SLC9C1: variants seen among roughly 807,000 people sequenced by gnomAD.
SLC9C1 encodes solute carrier family 9 member C1, also known as sodium/hydrogen exchanger 10.
SLC9C1 carries 97 observed loss-of-function variants against 140.9 expected under a neutral mutation model. The observed-to-expected ratio is 0.69, with a 90% CI of 0.58 to 0.82. The LOEUF (loss-of-function observed/expected upper bound fraction) is 0.82. SLC9C1 is among the 40% of genes least tolerant of loss of function. The pLI is 0.00. For missense variants in SLC9C1, 1,340 were observed against 1,389.3 expected, an observed-to-expected ratio of 0.96 and a Z score of 0.56; for synonymous variants, 440 against 442.6, an observed-to-expected ratio of 0.99 and a Z score of 0.07.
chr3:112,237,462 G>A (rs1030426908), intron 12 of SLC9C1, among the ~76,000 whole-genome samples: 2 of 152,102 alleles, frequency 1.3e-5, no homozygotes, highest in African/African-American at 4.8e-5. Flanking sequence ...TTACATTTAA[G>A]GTTAATATTG....
chr3:112,245,075 C>T (rs1321927880), intron 10 of SLC9C1, among the ~76,000 whole-genome samples: 1 of 152,210 alleles, frequency 6.6e-6, no homozygotes, highest in East Asian at 1.9e-4. Flanking sequence ...TCTAATGCTC[C>T]TTCCTAATAA....
Position 112,270,087 on chromosome 3 carries a change from A to T in SLC9C1, c.614-10T>A, listed in dbSNP as rs1576490664. ...CCCACGATCTCTTCAGCTACAAGAA[A>T]GGGGCGTAAATAAGAAATAGTTAAT... On this transcript the variant is annotated splice_polypyrimidine_tract_variant and intron_variant, in intron 6 of 28. Transcript: ENST00000305815. 1.3e-6 allele frequency: 2 copies of T among 1,519,456 alleles called. No individual in the cohort carries two copies. The highest frequency in any genetic ancestry group is 1.8e-6 in the Non-Finnish European group (2 of 1,135,842). 94.1% of individuals were successfully genotyped at this position (1,519,456 alleles called of 1,614,324 possible).
At chr3:112,185,481 T>A in intron 20 of SLC9C1, 3 of 1,610,228 alleles carry the variant, frequency 1.9e-6, no homozygotes, top group Non-Finnish European at 2.5e-6. Flanking sequence ...GGCGCAGAGT[T>A]ACACCTGGCT....
At chr3:112,257,466 A>G (rs984069380) in intron 10 of SLC9C1, among the ~76,000 whole-genome samples, 10 of 152,208 alleles carry the variant, frequency 6.6e-5, no homozygotes, top group Non-Finnish European at 1.2e-4. Context: ...TCCCTATTCA[A>G]TAAATGGTTT....
intron 20 of SLC9C1, among the ~76,000 whole-genome samples, chr3:112,184,623 G>A (rs1188130195): frequency 2.0e-5 from 3 of 152,202 alleles, no homozygotes; most frequent in East Asian, 1.9e-4. Flanking sequence ...GCGACAGAGC[G>A]AGACTCCATC....
intron 5 of SLC9C1, 27 bp downstream of exon 5, chr3:112,277,668 T>C: frequency 6.8e-7 from 1 of 1,468,216 alleles, no homozygotes. Context: ...ATATTATAAA[T>C]ATAGAAAAAG....
At chr3:112,149,907 G>C (rs563043667) in intron 28 of SLC9C1, among the ~76,000 whole-genome samples, 1 of 152,258 alleles carries the variant, frequency 6.6e-6, no homozygotes, top group African/African-American at 2.4e-5. Flanking sequence ...TGGAGGTTGA[G>C]CAGAAAGGGC....
At chr3:112,293,846 G>A (rs756016371) in intron 1 of SLC9C1, among the ~76,000 whole-genome samples, 16 of 152,176 alleles carry the variant, frequency 1.1e-4, no homozygotes, top group Non-Finnish European at 2.1e-4. Flanking sequence ...AAGAGTTGAT[G>A]TAAAAAGCAT....
chr3:112,214,368 C>A (rs2078294938), intron 15 of SLC9C1, among the ~76,000 whole-genome samples: 1 of 152,040 alleles, frequency 6.6e-6, no homozygotes, highest in Non-Finnish European at 1.5e-5. Flanking sequence ...CAGAGCAGAA[C>A]TGAAGGAGAT....
chr3:112,149,392 G>C (rs554036405), intron 28 of SLC9C1, among the ~76,000 whole-genome samples: 1 of 152,080 alleles, frequency 6.6e-6, no homozygotes, highest in East Asian at 1.9e-4. Flanking sequence ...GAAAGGATGG[G>C]GTGGGTCAGG....
intron 26 of SLC9C1, among the ~76,000 whole-genome samples, chr3:112,166,173 C>A (rs1047266717): frequency 5.3e-5 from 8 of 152,230 alleles, no homozygotes; most frequent in African/African-American, 1.9e-4. Context: ...TCTGTCACCC[C>A]TTTCTTTGAC....
intron 10 of SLC9C1, among the ~76,000 whole-genome samples, chr3:112,258,016 T>C (rs1050496091): frequency 6.6e-6 from 1 of 152,186 alleles, no homozygotes; most frequent in Non-Finnish European, 1.5e-5. Flanking sequence ...CCAGTCAGAA[T>C]AGCTATTATT....
At position 112,216,092 on chromosome 3, in the gene SLC9C1, A is replaced by G. The variant is rs567268135; in HGVS notation, c.1790+1350T>C. ...CTGATCTTTGACAAACCTGAGAAAA[A>G]CAAGAAATGGGGAAAGGATTCCCTA... is the stretch of plus-strand genomic sequence containing the variant. On this transcript the variant is annotated intron_variant, in intron 15 of 28. Transcript: ENST00000305815. Among the ~76,000 whole-genome samples the G allele has an allele frequency of 6.5e-3, 997 of 152,328 alleles. 10 individuals are homozygous for G. The highest frequency in any genetic ancestry group is 8.6e-3 in the Non-Finnish European group (583 of 68,036).
At chr3:112,174,872 C>T (rs1174336364) in intron 23 of SLC9C1, among the ~76,000 whole-genome samples, 1 of 137,658 alleles carries the variant, frequency 7.3e-6, no homozygotes, top group Non-Finnish European at 1.7e-5. Flanking sequence ...GCCAGGCAGC[C>T]CTGCCCAGTG....
At chr3:112,234,692 A>G (rs1002014701) in intron 12 of SLC9C1, among the ~76,000 whole-genome samples, 3 of 152,344 alleles carry the variant, frequency 2.0e-5, no homozygotes, top group South Asian at 2.1e-4. Flanking sequence ...AGCTTTCTAC[A>G]TATGGCTAGC....
chr3:112,238,237 A>G (rs1382972040), intron 12 of SLC9C1, among the ~76,000 whole-genome samples: 1 of 152,094 alleles, frequency 6.6e-6, no homozygotes, highest in Non-Finnish European at 1.5e-5. Flanking sequence ...CCTTTCTTCC[A>G]GTTGATTGAA....
chr3:112,180,662 C>T lies in SLC9C1; in HGVS notation c.2650G>A (p.Glu884Lys). 1 of 1,604,326 alleles carries T rather than the reference C, an allele frequency of 6.2e-7. No homozygotes were observed. Among genetic ancestry groups the T allele is most frequent in the Non-Finnish European group, 8.5e-7 (1 of 1,173,394 alleles). Residue 884 changes from glutamate to lysine, a missense_variant and splice_region_variant, in exon 22 of 29, where the codon GAA (glutamate) becomes AAA (lysine). By Grantham distance (56) the Glu-to-Lys change is moderately conservative. Transcript: ENST00000305815. ...KNKDYINFIQ[E>K]KAKVVTFDCG... ...TCAAATGTTACAACTTTGGCTTTTT[C>T]CTAAAAGATACCACCAAATACATAA...
chr3:112,198,190 C>T (rs2077814868), intron 20 of SLC9C1, among the ~76,000 whole-genome samples: 1 of 151,810 alleles, frequency 6.6e-6, no homozygotes, highest in African/African-American at 2.4e-5. Context: ...ATATTAGGTT[C>T]ATAGATAAGA....
At chr3:112,236,675 T>C (rs1425725841) in intron 12 of SLC9C1, among the ~76,000 whole-genome samples, 1 of 152,232 alleles carries the variant, frequency 6.6e-6, no homozygotes, top group Non-Finnish European at 1.5e-5. Flanking sequence ...TGTGTCTTTG[T>C]TCTCATTGGT....
Sources: gnomAD v4.1 joint callset for allele counts (sites outside exome capture counted in the v4.1 genomes callset) on GRCh38, gnomAD v4.1.1 for gene constraint, MANE v1.5 for transcripts, NCBI Gene and HGNC (gene_info 2026-07-23, HGNC 2026-07-21) for gene names.